Variants in WLS observed in about 807,000 individuals in gnomAD.
WLS encodes protein wntless homolog.
A neutral mutation model predicts 62.8 loss-of-function variants in WLS; 23 were observed. The ratio of observed to expected loss-of-function variants is 0.37; its 90% confidence interval spans 0.26 to 0.52. WLS has a LOEUF of 0.52. Ranked by LOEUF, WLS falls within the 20% of genes least tolerant of loss-of-function variation. WLS has a pLI of 0.92. For synonymous variants in WLS, 246 were observed against 244.1 expected (o/e 1.01, Z -0.07); for missense variants, 615 against 697.3 (o/e 0.88, Z 1.33).
At chr1:68,110,424 T>G (rs188849822) in intron 11 of WLS, among the ~76,000 whole-genome samples, 65 of 151,530 alleles carry the variant, frequency 4.3e-4, no homozygotes, top group African/African-American at 1.5e-3. Context: ...AAAATTTTTC[T>G]GCAAAGAAAA....
intron 1 of WLS, among the ~76,000 whole-genome samples, chr1:68,217,755 C>T (rs138422231): frequency 2.0e-5 from 3 of 152,298 alleles, no homozygotes; most frequent in Non-Finnish European, 4.4e-5. Flanking sequence ...TTCAGCTTAA[C>T]TGTGGGGCCC....
intron 5 of WLS, among the ~76,000 whole-genome samples, chr1:68,151,369 A>C (rs190941343): frequency 5.6e-4 from 85 of 152,306 alleles, no homozygotes; most frequent in Admixed American, 5.1e-3. Context: ...GAGAACTGAA[A>C]TTTATCTTGA....
At chr1:68,126,373 G>T in intron 11 of WLS, 38 bp from the exon 12 acceptor site, 1 of 1,612,442 alleles carries the variant, frequency 6.2e-7, no homozygotes, top group Non-Finnish European at 8.5e-7. Flanking sequence ...CATTCAAGGA[G>T]GAAGGAGAAG....
chr1:68,139,911 TA>T (rs1162254390), intron 10 of WLS, among the ~76,000 whole-genome samples: 2 of 152,238 alleles, frequency 1.3e-5, no homozygotes, highest in African/African-American at 4.8e-5. Context: ...TAATTGAATT[TA>T]AAAGTGAGAG....
chr1:68,131,175 T>G (rs1171512624), intron 11 of WLS, among the ~76,000 whole-genome samples: 1 of 150,990 alleles, frequency 6.6e-6, no homozygotes, highest in African/African-American at 2.4e-5. Flanking sequence ...ACTCCCAAAG[T>G]GCTGGGATTA....
At chr1:68,198,483 C>T (rs1415821550) in intron 1 of WLS, among the ~76,000 whole-genome samples, 9 of 152,144 alleles carry the variant, frequency 5.9e-5, no homozygotes, top group Non-Finnish European at 1.3e-4. Flanking sequence ...ATCAATAAGA[C>T]TTCTAACAAA....
intron 2 of WLS, 126 bp downstream of exon 2, chr1:68,193,829 G>A (rs1310022382): frequency 5.5e-6 from 7 of 1,263,236 alleles, no homozygotes; most frequent in Non-Finnish European, 7.7e-6. Context: ...AAAGTGCCTG[G>A]GAAGTAGTCA....
At chr1:68,181,750 C>G (rs772508608) in intron 2 of WLS, among the ~76,000 whole-genome samples, 2 of 152,198 alleles carry the variant, frequency 1.3e-5, no homozygotes, top group Non-Finnish European at 2.9e-5. Flanking sequence ...TTCAAGCTTT[C>G]TCCAGCTGCT....
intron 10 of WLS, among the ~76,000 whole-genome samples, chr1:68,143,932 T>C: frequency 6.6e-6 from 1 of 152,322 alleles, no homozygotes; most frequent in East Asian, 1.9e-4. Context: ...CTATTAGATA[T>C]CATAGTCTAG....
At chr1:68,203,790 A>C (rs1649157207) in intron 1 of WLS, among the ~76,000 whole-genome samples, 1 of 152,212 alleles carries the variant, frequency 6.6e-6, no homozygotes, top group Non-Finnish European at 1.5e-5. Flanking sequence ...CTATGGAAGA[A>C]TTACTTATAA....
At chr1:68,150,394 A>C (rs754156802) in intron 5 of WLS, 38 bp from the exon 6 acceptor site, 1 of 1,605,942 alleles carries the variant, frequency 6.2e-7, no homozygotes. Context: ...CACTTTATTC[A>C]TCTGGAAGGC....
intron 1 of WLS, among the ~76,000 whole-genome samples, chr1:68,211,234 A>G (rs949305737): frequency 2.0e-5 from 3 of 152,002 alleles, no homozygotes; most frequent in Non-Finnish European, 2.9e-5. Context: ...AACCGACTAC[A>G]TTGTAAATTT....
At chr1:68,118,661 G>T (rs538406720) in intron 11 of WLS, among the ~76,000 whole-genome samples, 1 of 151,518 alleles carries the variant, frequency 6.6e-6, no homozygotes, top group African/African-American at 2.4e-5. Flanking sequence ...AAATCACAAG[G>T]TCAGGAGTTC....
chr1:68,159,425 TG>T (rs1646942675), intron 2 of WLS, among the ~76,000 whole-genome samples, 178 bp from the exon 3 acceptor site: 1 of 152,108 alleles, frequency 6.6e-6, no homozygotes, highest in Non-Finnish European at 1.5e-5. Flanking sequence ...CTAAGCCAAA[TG>T]CTGGGTCCCC....
intron 11 of WLS, among the ~76,000 whole-genome samples, chr1:68,130,703 TTGTTA>T (rs1226948873): frequency 6.6e-6 from 1 of 152,148 alleles, no homozygotes; most frequent in South Asian, 2.1e-4. Context: ...GTTAATATGA[TTGTTA>T]TGTTAAAGAA....
chr1:68,188,436 TG>T (rs1279686717), intron 2 of WLS, among the ~76,000 whole-genome samples: 2 of 152,220 alleles, frequency 1.3e-5, no homozygotes, highest in African/African-American at 4.8e-5. Flanking sequence ...CTGCGTAATC[TG>T]CCCACTGGGA....
chr1:68,163,116 G>C, intron 2 of WLS: 2 of 1,494,384 alleles, frequency 1.3e-6, no homozygotes, highest in Non-Finnish European at 1.8e-6. Flanking sequence ...GCAACTCTCA[G>C]ATCAAAAGGC....
intron 1 of WLS, among the ~76,000 whole-genome samples, chr1:68,206,223 C>T (rs193232985): frequency 1.5e-3 from 235 of 152,236 alleles, no homozygotes; most frequent in Middle Eastern, 3.4e-3. Flanking sequence ...TTTGTAGAAG[C>T]TGGAGATGTA....
chr1:68,112,998 C>T (rs1646247295), intron 11 of WLS, among the ~76,000 whole-genome samples: 1 of 152,152 alleles, frequency 6.6e-6, no homozygotes, highest in Admixed American at 6.5e-5. Context: ...GTTAGCTGCC[C>T]ACGAACTTGG....
Sources: gnomAD v4.1 joint callset for allele counts (sites outside exome capture counted in the v4.1 genomes callset) on GRCh38, gnomAD v4.1.1 for gene constraint, MANE v1.5 for transcripts, NCBI Gene and HGNC (gene_info 2026-07-23, HGNC 2026-07-21) for gene names.